The following AIFM3 variants were observed in gnomAD, a reference collection of about 807,000 sequenced individuals.
The protein encoded by AIFM3 is apoptosis-inducing factor 3.
In AIFM3, 71 loss-of-function variants were observed where a neutral mutation model predicts 82.7. That is an observed-to-expected ratio of 0.86 (90% CI 0.71 to 1.05). The LOEUF (loss-of-function observed/expected upper bound fraction) is 1.05, where lower values mean the gene tolerates loss of function less well. Ranked by LOEUF, AIFM3 falls within the 50% of genes least tolerant of loss-of-function variation. AIFM3 has a pLI of 0.00. For synonymous variants in AIFM3, 337 were observed against 329.1 expected (o/e 1.02, Z -0.26); for missense variants, 748 against 816.7 (o/e 0.92, Z 1.03).
Position 20,973,342 on chromosome 22 carries a change from G to A in AIFM3, c.67G>A (p.Glu23Lys). 4 of 1,604,888 alleles carry A rather than the reference G, an allele frequency of 2.5e-6. No homozygotes were observed. The highest frequency in any genetic ancestry group is 8.5e-7 in the Non-Finnish European group (1 of 1,176,196). ...GATCGAGGTGGTGCTGCCTGAGAAG[G>A]AGCGAGGCAAGGAGGAGCTGTCGGC... ...LKIEVVLPEK[E>K]RGKEELSASG... The change falls in exon 3 of 21, where the codon GAG (glutamate) becomes AAG (lysine). Residue 23 changes from glutamate to lysine, a missense_variant. Physicochemically the swap from Glu to Lys is moderately conservative, Grantham distance 56. Around this residue, in one of 5 missense-constraint regions of AIFM3, gnomAD observed 7 missense variants for 24.3 expected, o/e 0.29. Coordinates refer to ENST00000440238, the MANE Select transcript of AIFM3 (RefSeq NM_001386814.1).
At chr22:20,976,836 C>A in intron 12 of AIFM3, 31 bp from the exon 13 acceptor site, 1 of 1,592,494 alleles carries the variant, frequency 6.3e-7, no homozygotes. Flanking sequence ...GGGCTCTCAT[C>A]CACCGCCCAC....
intron 2 of AIFM3, among the ~76,000 whole-genome samples, chr22:20,970,931 T>G (rs1923227160): frequency 6.6e-6 from 1 of 152,264 alleles, no homozygotes; most frequent in Non-Finnish European, 1.5e-5. Flanking sequence ...AAAGGCATCT[T>G]AAGGCCCAAA....
chr22:20,969,209 C>T (rs974889361), intron 2 of AIFM3, among the ~76,000 whole-genome samples: 7 of 152,192 alleles, frequency 4.6e-5, no homozygotes, highest in Non-Finnish European at 8.8e-5. Context: ...TTAAAGGACC[C>T]CAAATGGCTG....
chr22:20,969,366 T>G (rs1923122783), intron 2 of AIFM3, among the ~76,000 whole-genome samples: 1 of 152,088 alleles, frequency 6.6e-6, no homozygotes, highest in Non-Finnish European at 1.5e-5. Context: ...TCTGAGCCTC[T>G]GCATCCTCAT....
chr22:20,974,163 CA>C lies in AIFM3; in HGVS notation c.458del (p.Lys153SerfsTer4). On this transcript the variant is annotated frameshift_variant, in exon 5 of 21. Transcript: ENST00000440238. LOFTEE classifies it high-confidence loss of function. Reference protein sequence around the residue: ...EDFPGLDSLHKFQVKIEKEKV... With the variant: ...EDFPGLDSLHXFQVKIEKEKV... ...ACTTCCCTGGCCTGGACAGTCTACA[CA>C]AGTTCCAGGTGGGGCCAGGAGTGCG... 1 of 1,613,062 alleles carries C rather than the reference CA, an allele frequency of 6.2e-7. No individual in the cohort carries two copies. The highest frequency in any genetic ancestry group is 8.5e-7 in the Non-Finnish European group (1 of 1,179,746).
At chr22:20,968,961 G>A (rs1923095313) in intron 2 of AIFM3, among the ~76,000 whole-genome samples, 1 of 152,144 alleles carries the variant, frequency 6.6e-6, no homozygotes, top group African/African-American at 2.4e-5. Context: ...GACCCACCAG[G>A]CAGAGGGACC....
At chr22:20,975,663 G>A in intron 8 of AIFM3, 29 bp from the exon 9 acceptor site, 1 of 1,610,778 alleles carries the variant, frequency 6.2e-7, no homozygotes, top group Non-Finnish European at 8.5e-7. Flanking sequence ...CTGTAAACTG[G>A]CTCCTCTCAA....
intron 2 of AIFM3, among the ~76,000 whole-genome samples, chr22:20,970,154 G>T (rs1490272381): frequency 6.6e-6 from 1 of 152,192 alleles, no homozygotes; most frequent in African/African-American, 2.4e-5. Context: ...CACCATGGCT[G>T]CTAGGAGGCT....
In AIFM3 at chr22:20,979,364, A is replaced by G. The variant is rs1206119574; in HGVS notation, c.1571A>G (p.Tyr524Cys). Reference protein sequence around the residue: ...WTAMFGKSLRYAGYGEGFDDV... With the variant: ...WTAMFGKSLRCAGYGEGFDDV... Reference sequence around the variant, plus strand: ...GCCATGTTTGGCAAGAGCCTGCGCTACGCGGGTAACCCCGGGGCCTCGGAT... The same window carrying G: ...GCCATGTTTGGCAAGAGCCTGCGCTGCGCGGGTAACCCCGGGGCCTCGGAT... Residue 524 changes from tyrosine (Y) to cysteine (C), a missense_variant, in exon 17 of 21, where the codon TAC becomes TGC. Physicochemically the swap from Tyr to Cys is radical, Grantham distance 194. This residue lies in a region of AIFM3 where 183 missense variants were observed against 158.2 expected (regional missense o/e 1.16). Coordinates refer to ENST00000440238, the MANE Select transcript of AIFM3 (RefSeq NM_001386814.1). The G allele has an allele frequency of 6.6e-7, 1 of 1,517,294 alleles. No homozygotes were observed. The highest frequency in any genetic ancestry group is 8.9e-7 in the Non-Finnish European group (1 of 1,128,322). The allele number at this position is 1,517,294 out of a possible 1,614,324, so 94.0% of individuals were successfully genotyped here.
rs1601707117 is a variant in AIFM3 at position 20,976,658 on chromosome 22, G to A, written c.1038G>A (p.Glu346=). The change falls in exon 12 of 21, where the codon GAG becomes GAA. Residue 346 remains glutamate (E), a synonymous_variant. Transcript: ENST00000440238. ...VVVGAGFLGM[E]VAAYLTEKAH... ...CCCCCTGCCCATCACCAGGGATGGA[G>A]GTGGCCGCTTACCTGACGGAGAAGG... 1.2e-6 allele frequency: 2 copies of A among 1,610,442 alleles called. No individual in the cohort carries two copies. The highest frequency in any genetic ancestry group is 2.2e-5 in the East Asian group (1 of 44,640).
At chr22:20,977,810 G>A (rs1416271283) in intron 15 of AIFM3, 34 bp downstream of exon 15, 2 of 1,614,090 alleles carry the variant, frequency 1.2e-6, no homozygotes, top group South Asian at 1.1e-5. Flanking sequence ...GGAGGACCCG[G>A]TGCTGGGCTG....
chr22:20,969,670 C>T (rs1486294083), intron 2 of AIFM3, among the ~76,000 whole-genome samples: 3 of 152,172 alleles, frequency 2.0e-5, no homozygotes, highest in Non-Finnish European at 4.4e-5. Flanking sequence ...ACCTTGTGAT[C>T]CGCCCATCTC....
intron 8 of AIFM3, 112 bp from the exon 9 acceptor site, chr22:20,975,580 T>A: frequency 1.0e-6 from 1 of 995,210 alleles, no homozygotes; most frequent in Non-Finnish European, 1.6e-6. Context: ...AGATCTGGGT[T>A]TGCTGAGTTC....
At chr22:20,973,949 A>G (rs1159334402) in intron 4 of AIFM3, 82 bp downstream of exon 4, 3 of 1,466,890 alleles carry the variant, frequency 2.0e-6, no homozygotes, top group Non-Finnish European at 2.7e-6. Context: ...CAGGATCTTC[A>G]TCTATTAGTG....
chr22:20,974,351 G>A, intron 6 of AIFM3, 55 bp downstream of exon 6: 1 of 1,598,898 alleles, frequency 6.3e-7, no homozygotes, highest in Non-Finnish European at 8.5e-7. Flanking sequence ...GGGCATCTTG[G>A]CCCAGAGAAT....
chr22:20,981,214 A>G lies in AIFM3; in HGVS notation c.*183A>G. ...CTCTGCTGGATCCAGAAGATGCTCAACCCTCAAGGCCTCTGCTGCCACTGA... is the reference window on the plus strand; with the variant it reads ...CTCTGCTGGATCCAGAAGATGCTCAGCCCTCAAGGCCTCTGCTGCCACTGA... On this transcript the variant is annotated 3_prime_UTR_variant, in exon 21 of 21. Coordinates refer to ENST00000440238, the MANE Select transcript of AIFM3 (RefSeq NM_001386814.1). 1.3e-6 allele frequency: 1 copy of G among 747,782 alleles called. No homozygotes were observed. The highest frequency in any genetic ancestry group is 1.8e-5 in the South Asian group (1 of 55,852). The allele number at this position is 747,782 out of a possible 1,614,324, so 46.3% of individuals were successfully genotyped here. A position where few individuals can be genotyped will look rare whatever the true frequency, so the allele number is the denominator to read the frequency against.
chr22:20,974,170 C>T lies in AIFM3; in HGVS notation c.463C>T (p.Gln155Ter). 6.2e-7 allele frequency: 1 copy of T among 1,613,088 alleles called. No homozygotes were observed. Among genetic ancestry groups the T allele is most frequent in the Non-Finnish European group, 8.5e-7 (1 of 1,179,836 alleles). Residue 155 changes from glutamine (Q) to a stop codon, truncating the protein, a stop_gained and splice_region_variant, in exon 5 of 21, where the codon CAG becomes TAG. Coordinates refer to ENST00000440238, the MANE Select transcript of AIFM3 (RefSeq NM_001386814.1). LOFTEE classifies it high-confidence loss of function. Reference protein sequence around the residue: ...FPGLDSLHKFQVKIEKEKVYV... With the variant: ...FPGLDSLHKF ...TGGCCTGGACAGTCTACACAAGTTC[C>T]AGGTGGGGCCAGGAGTGCGATGGGG...
chr22:20,980,238 T>G, intron 19 of AIFM3, 114 bp downstream of exon 19: 1 of 915,930 alleles, frequency 1.1e-6, no homozygotes, highest in Admixed American at 2.5e-5. Flanking sequence ...CCCTCTTGGT[T>G]TGCATCGCCT....
intron 10 of AIFM3, 26 bp from the exon 11 acceptor site, chr22:20,976,382 C>G (rs377242174): frequency 2.5e-6 from 4 of 1,613,718 alleles, no homozygotes; most frequent in Non-Finnish European, 3.4e-6. Flanking sequence ...TGCCAGGAGG[C>G]CCTCACTGAC....
Sources: allele counts gnomAD v4.1 joint callset (sites outside exome capture counted in the v4.1 genomes callset), GRCh38; gene constraint gnomAD v4.1.1; regional missense constraint gnomAD v4.1.1; transcripts MANE v1.5; gene names NCBI Gene and HGNC (gene_info 2026-07-23, HGNC 2026-07-21).